SERINC1: variants seen among roughly 807,000 people sequenced by gnomAD.
SERINC1 encodes the protein serine incorporator 1.
SERINC1 carries 38 observed loss-of-function variants against 52.9 expected under a neutral mutation model. The observed-to-expected ratio is 0.72, with a 90% CI of 0.55 to 0.94. The LOEUF is 0.94. SERINC1 is among the 40% of genes least tolerant of loss of function. SERINC1 has a pLI of 0.00. For synonymous variants in SERINC1, 198 were observed against 183.1 expected (o/e 1.08, Z -0.66); for missense variants, 471 against 533.9 (o/e 0.88, Z 1.16).
Position 122,453,857 on chromosome 6 carries a change from G to C in SERINC1, c.502C>G (p.Leu168Val). 3 of 1,607,290 alleles carry C rather than the reference G, an allele frequency of 1.9e-6. No individual in the cohort carries two copies. The highest frequency in any genetic ancestry group is 2.6e-6 in the Non-Finnish European group (3 of 1,175,500). The part of the protein sequence containing the change: ...AGAFCFILIQ[L>V]VLLIDFAHSW... Reference sequence around the variant, plus strand: ...TGTGCAAAATCAATAAGTAAGACTAGTTGTATGAGGATGAAACAAAAGGCA... The same window carrying C: ...TGTGCAAAATCAATAAGTAAGACTACTTGTATGAGGATGAAACAAAAGGCA... The change falls in exon 5 of 10, where the codon CTA becomes GTA. Residue 168 changes from leucine (L) to valine (V), a missense_variant. Coordinates refer to ENST00000339697, the MANE Select transcript of SERINC1 (RefSeq NM_020755.4).
chr6:122,454,406 T>C, intron 3 of SERINC1, 176 bp from the exon 4 acceptor site: 1 of 538,558 alleles, frequency 1.9e-6, no homozygotes. Context: ...AACAAGGTAA[T>C]CATCATATTT....
intron 2 of SERINC1, among the ~76,000 whole-genome samples, chr6:122,457,072 T>TA (rs1395661023): frequency 6.6e-6 from 1 of 152,242 alleles, no homozygotes; most frequent in East Asian, 1.9e-4. Flanking sequence ...CCCAGCACTC[T>TA]AAAAAAACTG....
rs1453618664 is a variant in SERINC1 at position 122,443,658 on chromosome 6, T to C, written c.*1386A>G. The C allele has an allele frequency of 6.6e-6, 1 of 152,230 alleles. No individual in the cohort carries two copies. The highest frequency in any genetic ancestry group is 1.5e-5 in the Non-Finnish European group (1 of 68,034). The allele number at this position is 152,230 out of a possible 1,614,324, so 9.4% of individuals were successfully genotyped here. A position where few individuals can be genotyped will look rare whatever the true frequency, so the allele number is the denominator to read the frequency against. On this transcript the variant is annotated 3_prime_UTR_variant, in exon 10 of 10. Coordinates refer to ENST00000339697, the MANE Select transcript of SERINC1 (RefSeq NM_020755.4). ...ATCTTTTGAACTGTGTAGTATACTATAAGCAGGAGTTTATTCTAAAACATT... is the reference window on the plus strand; with the variant it reads ...ATCTTTTGAACTGTGTAGTATACTACAAGCAGGAGTTTATTCTAAAACATT...
At position 122,461,457 on chromosome 6, in the gene SERINC1, G is replaced by C. The variant is rs549344634; in HGVS notation, c.40-2776C>G. Among the ~76,000 whole-genome samples, 15 of 148,698 alleles carry C rather than the reference G, an allele frequency of 1.0e-4. No individual in the cohort carries two copies. The South Asian group carries it at 3.1e-3, about 30-fold the overall frequency. ...CTCACTGATAGGTGTGAATTGAACAGTGAGATCACATGGACACAGGAAGGG... is the reference window on the plus strand; with the variant it reads ...CTCACTGATAGGTGTGAATTGAACACTGAGATCACATGGACACAGGAAGGG... On this transcript the variant is annotated intron_variant, in intron 1 of 9. Transcript: ENST00000339697.
intron 1 of SERINC1, among the ~76,000 whole-genome samples, chr6:122,459,963 T>TA (rs1438858779): frequency 6.6e-6 from 1 of 152,182 alleles, no homozygotes; most frequent in Non-Finnish European, 1.5e-5. Flanking sequence ...CCTCCTGACT[T>TA]AAACAATGGA....
At chr6:122,446,717 G>T in intron 9 of SERINC1, 57 bp downstream of exon 9, 1 of 1,158,022 alleles carries the variant, frequency 8.6e-7, no homozygotes, top group South Asian at 1.3e-5. Context: ...TTTCACAAGA[G>T]AATCATAAAA....
At chr6:122,451,776 A>AAAAAAAAAAATATATATATATATAT in intron 6 of SERINC1, 22 bp from the exon 7 acceptor site, 11 of 113,070 alleles carry the variant, frequency 9.7e-5, no homozygotes, top group African/African-American at 3.0e-4. Context: ...AAAAAAAAAA[A>AAAAAAAAAAATATATATATATATAT]ATATATATAT....
At chr6:122,467,384 C>A (rs990975774) in intron 1 of SERINC1, among the ~76,000 whole-genome samples, 2 of 152,166 alleles carry the variant, frequency 1.3e-5, no homozygotes, top group Admixed American at 6.5e-5. Flanking sequence ...GCAGGTGGAT[C>A]ACTTGAGGCT....
chr6:122,471,674 C>T, intron 1 of SERINC1, 25 bp downstream of exon 1: 1 of 1,614,116 alleles, frequency 6.2e-7, no homozygotes, highest in Non-Finnish European at 8.5e-7. Context: ...CACTAGCACC[C>T]CAGAGGCCGC....
chr6:122,469,772 G>A (rs12526087), intron 1 of SERINC1, among the ~76,000 whole-genome samples: 14,327 of 151,844 alleles, frequency 0.094, 770 homozygotes, highest in South Asian at 0.14. Context: ...TTGACCAGGC[G>A]GTCTCCCACT....
intron 1 of SERINC1, among the ~76,000 whole-genome samples, chr6:122,460,053 A>G (rs1181612920): frequency 6.6e-6 from 1 of 152,112 alleles, no homozygotes; most frequent in Non-Finnish European, 1.5e-5. Context: ...GAGCCCTATG[A>G]CTGGCCCTTA....
chr6:122,471,409 G>C (rs552271331), intron 1 of SERINC1, among the ~76,000 whole-genome samples: 1 of 148,688 alleles, frequency 6.7e-6, no homozygotes, highest in South Asian at 2.3e-4. Context: ...GGGAGACAGC[G>C]TTCACGAAGC....
chr6:122,459,554 G>A (rs2114485365), intron 1 of SERINC1, among the ~76,000 whole-genome samples: 1 of 152,184 alleles, frequency 6.6e-6, no homozygotes, highest in African/African-American at 2.4e-5. Context: ...GGAAATACAT[G>A]TCATGGCAAC....
At chr6:122,446,631 G>A (rs1045622829) in intron 9 of SERINC1, 143 bp downstream of exon 9, 4 of 610,752 alleles carry the variant, frequency 6.5e-6, no homozygotes, top group Non-Finnish European at 8.7e-6. Context: ...CATTTCTCAT[G>A]CTGATCTCAC....
chr6:122,461,294 A>C (rs1013300716), intron 1 of SERINC1, among the ~76,000 whole-genome samples: 3 of 152,144 alleles, frequency 2.0e-5, no homozygotes, highest in African/African-American at 7.2e-5. Context: ...AAAATCTTAA[A>C]AGTAGGCAGA....
chr6:122,457,885 C>T (rs2063010173), intron 2 of SERINC1, among the ~76,000 whole-genome samples: 1 of 151,734 alleles, frequency 6.6e-6, no homozygotes, highest in Non-Finnish European at 1.5e-5. Flanking sequence ...TATGTGTTCC[C>T]AATCTCCTTC....
In SERINC1 at chr6:122,445,016, A is replaced by C. The variant is rs1172481193; in HGVS notation, c.*28T>G. 6.2e-7 allele frequency: 1 copy of C among 1,601,400 alleles called. No homozygotes were observed. Among genetic ancestry groups the C allele is most frequent in the Non-Finnish European group, 8.5e-7 (1 of 1,174,690 alleles). On this transcript the variant is annotated 3_prime_UTR_variant, in exon 10 of 10. Transcript: ENST00000339697. Reference sequence around the variant, plus strand: ...CTGTTTTCAAATAAGCAATAATCAAAGTGGGACTTTCATGCTAGAAGTCTC... The same window carrying C: ...CTGTTTTCAAATAAGCAATAATCAACGTGGGACTTTCATGCTAGAAGTCTC...
chr6:122,454,871 G>A (rs1212822250), intron 3 of SERINC1, among the ~76,000 whole-genome samples: 1 of 152,174 alleles, frequency 6.6e-6, no homozygotes, highest in Non-Finnish European at 1.5e-5. Flanking sequence ...TAATTGTTGT[G>A]AGTACTTCCT....
intron 1 of SERINC1, among the ~76,000 whole-genome samples, chr6:122,470,037 T>A (rs959522248): frequency 1.3e-5 from 2 of 152,170 alleles, no homozygotes; most frequent in Admixed American, 1.3e-4. Flanking sequence ...GGAAAAAGAT[T>A]ACTGAAACTG....
Sources: gnomAD v4.1 joint callset for allele counts (sites outside exome capture counted in the v4.1 genomes callset) on GRCh38, gnomAD v4.1.1 for gene constraint, MANE v1.5 for transcripts, NCBI Gene and HGNC (gene_info 2026-07-23, HGNC 2026-07-21) for gene names.